The following MROH9 variants were observed in gnomAD, a reference collection of about 807,000 sequenced individuals.
MROH9 encodes maestro heat like repeat family member 9.
A neutral mutation model predicts 98.2 loss-of-function variants in MROH9; 92 were observed. The ratio of observed to expected loss-of-function variants is 0.94; its 90% CI spans 0.79 to 1.11. The LOEUF (loss-of-function observed/expected upper bound fraction) is 1.11. Ranked by LOEUF, MROH9 falls within the 50% of genes most tolerant of loss-of-function variation. The pLI is 0.00. For missense variants in MROH9, 1,057 were observed against 1,014.8 expected (o/e 1.04, Z -0.57); for synonymous variants, 397 against 368.9 (o/e 1.08, Z -0.87).
intron 8 of MROH9, among the ~76,000 whole-genome samples, chr1:170,973,599 G>A (rs1433513445): frequency 1.3e-5 from 2 of 152,160 alleles, no homozygotes; most frequent in East Asian, 3.9e-4. Context: ...TATTAGGTTG[G>A]GCACGGTGGC....
intron 15 of MROH9, among the ~76,000 whole-genome samples, chr1:171,003,859 A>C (rs1225785507): frequency 6.6e-6 from 1 of 151,974 alleles, no homozygotes; most frequent in Non-Finnish European, 1.5e-5. Flanking sequence ...AAGGATCATC[A>C]GGTGGGGATG....
intron 3 of MROH9, among the ~76,000 whole-genome samples, chr1:170,954,717 A>C (rs971362448): frequency 2.0e-5 from 3 of 151,914 alleles, no homozygotes; most frequent in Non-Finnish European, 4.4e-5. Flanking sequence ...AACAGGTGTG[A>C]GGTAATGTCT....
chr1:170,992,206 C>A lies in MROH9; in HGVS notation c.1071C>A (p.Ser357Arg). The A allele has an allele frequency of 1.2e-6, 2 of 1,612,886 alleles. No homozygotes were observed. Among genetic ancestry groups the A allele is most frequent in the South Asian group, 2.2e-5 (2 of 90,938 alleles). ...QMWKAACSQASVAPHVLKTIL... is the reference protein window; with the variant it reads ...QMWKAACSQARVAPHVLKTIL... ...GGAAGGCGGCATGTTCTCAGGCGAG[C>A]GTGGCCCCTCACGTGCTGAAGACAA... Residue 357 changes from serine to arginine, a missense_variant, in exon 12 of 22, where the codon AGC becomes AGA. By Grantham distance (110) the Ser-to-Arg change is moderately radical. Transcript: ENST00000367759.
intron 20 of MROH9, among the ~76,000 whole-genome samples, chr1:171,044,972 C>CTTTTTTT (rs754332732): frequency 0.012 from 563 of 45,704 alleles, 125 homozygotes; most frequent in Non-Finnish European, 0.016. Flanking sequence ...CTGCTCTGAT[C>CTTTTTTT]TTTTTTTTTT....
At chr1:170,955,528 G>T (rs1015091356) in intron 3 of MROH9, among the ~76,000 whole-genome samples, 1 of 152,004 alleles carries the variant, frequency 6.6e-6, no homozygotes, top group African/African-American at 2.4e-5. Flanking sequence ...GGAGTAAGGT[G>T]GTATTGCATT....
Position 171,062,208 on chromosome 1 carries a change from T to C in MROH9, c.2344+14T>C. The C allele has an allele frequency of 6.6e-7, 1 of 1,518,520 alleles. No individual in the cohort carries two copies. Among genetic ancestry groups the C allele is most frequent in the Non-Finnish European group, 8.9e-7 (1 of 1,121,552 alleles). The allele number at this position is 1,518,520 out of a possible 1,614,324, so 94.1% of individuals were successfully genotyped here. The stretch of plus-strand genomic sequence containing the variant: ...TCATGCTTGATGGTGAGTATTGAGG[T>C]TATAACAAAATCTTTATGCATAAAT... On this transcript the variant is annotated intron_variant, in intron 21 of 21. Coordinates refer to ENST00000367759, the MANE Select transcript of MROH9 (RefSeq NM_001163629.2).
intron 6 of MROH9, among the ~76,000 whole-genome samples, chr1:170,964,320 G>T (rs1650144515): frequency 6.6e-6 from 1 of 151,228 alleles, no homozygotes; most frequent in Non-Finnish European, 1.5e-5. Flanking sequence ...TTCTCAAAAA[G>T]GGCTGAAACC....
chr1:170,950,396 G>A (rs1050028602), intron 3 of MROH9, among the ~76,000 whole-genome samples: 9 of 152,142 alleles, frequency 5.9e-5, no homozygotes, highest in Admixed American at 5.2e-4. Context: ...GGAAAGACAG[G>A]GCAAGGGAGT....
At chr1:170,941,249 T>C (rs997656762) in intron 1 of MROH9, among the ~76,000 whole-genome samples, 1 of 152,146 alleles carries the variant, frequency 6.6e-6, no homozygotes, top group Non-Finnish European at 1.5e-5. Context: ...ATAGGTCCCT[T>C]TGTGGCAGAC....
intron 20 of MROH9, among the ~76,000 whole-genome samples, chr1:171,050,225 T>C (rs1044672221): frequency 6.6e-6 from 1 of 152,132 alleles, no homozygotes; most frequent in Non-Finnish European, 1.5e-5. Flanking sequence ...TCCAGAAGAG[T>C]TTTCCCTAAT....
In MROH9 at chr1:171,053,922, G is replaced by A. The variant is rs527856245; in HGVS notation, c.2282-8210G>A. Reference sequence around the variant, plus strand: ...AAAAAGAGAGAGGAGAAAGAATGAGGCAGAAGAACTCCTGTAAGAGATGAT... The same window carrying A: ...AAAAAGAGAGAGGAGAAAGAATGAGACAGAAGAACTCCTGTAAGAGATGAT... On this transcript the variant is annotated intron_variant, in intron 20 of 21. Coordinates refer to ENST00000367759, the MANE Select transcript of MROH9 (RefSeq NM_001163629.2). Among the ~76,000 whole-genome samples the A allele has an allele frequency of 4.0e-3, 602 of 152,000 alleles. 4 individuals are homozygous for A. Among genetic ancestry groups the A allele is most frequent in the African/African-American group, 0.014 (576 of 41,476 alleles).
Position 170,992,171 on chromosome 1 carries a change from A to C in MROH9, c.1036A>C (p.Ile346Leu). The change falls in exon 12 of 22, where the codon ATA (isoleucine) becomes CTA (leucine). Residue 346 changes from isoleucine (I) to leucine (L), a missense_variant. By Grantham distance (5) the Ile-to-Leu change is conservative. Transcript: ENST00000367759. Reference sequence around the variant, plus strand: ...GTGGGGCTGTGTTTGCAGCACTCTGATACAGATGTGGAAGGCGGCATGTTC... The same window carrying C: ...GTGGGGCTGTGTTTGCAGCACTCTGCTACAGATGTGGAAGGCGGCATGTTC... The part of the protein sequence containing the change: ...DYPVPADDTL[I>L]QMWKAACSQA... The C allele has an allele frequency of 6.2e-7, 1 of 1,610,502 alleles. No individual in the cohort carries two copies. The highest frequency in any genetic ancestry group is 1.1e-5 in the South Asian group (1 of 90,602).
intron 6 of MROH9, among the ~76,000 whole-genome samples, chr1:170,963,975 A>G (rs1468087571): frequency 6.6e-6 from 1 of 152,108 alleles, no homozygotes; most frequent in Non-Finnish European, 1.5e-5. Flanking sequence ...TTATCCTCAC[A>G]ACCCTTCACC....
At chr1:171,026,905 T>G (rs1246070462) in intron 20 of MROH9, among the ~76,000 whole-genome samples, 1 of 151,724 alleles carries the variant, frequency 6.6e-6, no homozygotes, top group Non-Finnish European at 1.5e-5. Context: ...ATATGAAAAA[T>G]AAGCTTTCGA....
At chr1:170,957,222 C>T (rs150626791) in intron 3 of MROH9, among the ~76,000 whole-genome samples, 3 of 151,916 alleles carry the variant, frequency 2.0e-5, no homozygotes, top group Non-Finnish European at 1.5e-5. Flanking sequence ...GTGCTTTTTA[C>T]GTCATATCCA....
At chr1:170,944,813 G>T (rs527380965) in intron 1 of MROH9, among the ~76,000 whole-genome samples, 27 of 152,072 alleles carry the variant, frequency 1.8e-4, no homozygotes, top group Admixed American at 3.3e-4. Flanking sequence ...TAGTATCCAC[G>T]TCTTATATCA....
At chr1:170,981,148 T>C (rs2101797166) in intron 8 of MROH9, among the ~76,000 whole-genome samples, 1 of 152,300 alleles carries the variant, frequency 6.6e-6, no homozygotes, top group South Asian at 2.1e-4. Flanking sequence ...ATAGGAATAC[T>C]TTTACACTGT....
intron 20 of MROH9, among the ~76,000 whole-genome samples, chr1:171,047,897 C>A (rs1653515955): frequency 6.6e-6 from 1 of 152,194 alleles, no homozygotes; most frequent in Non-Finnish European, 1.5e-5. Flanking sequence ...GTGGTTCTTG[C>A]AGACTCATAG....
chr1:171,036,307 C>T (rs1399678025), intron 20 of MROH9, among the ~76,000 whole-genome samples: 1 of 152,006 alleles, frequency 6.6e-6, no homozygotes, highest in Non-Finnish European at 1.5e-5. Flanking sequence ...GTGAACATTC[C>T]ATGTGCTGTA....
Sources: allele counts gnomAD v4.1 joint callset (sites outside exome capture counted in the v4.1 genomes callset), GRCh38; gene constraint gnomAD v4.1.1; transcripts MANE v1.5; gene names NCBI Gene and HGNC (gene_info 2026-07-23, HGNC 2026-07-21).